KCNQ5: variants seen among roughly 807,000 people sequenced by gnomAD.
The protein encoded by KCNQ5 is potassium voltage-gated channel subfamily Q member 5.
Under a neutral mutation model 98.2 loss-of-function variants are expected in KCNQ5, and 30 were observed. That is an observed-to-expected ratio of 0.31 (90% confidence interval 0.23 to 0.41). The LOEUF (loss-of-function observed/expected upper bound fraction) is 0.41. KCNQ5 is among the 10% of genes least tolerant of loss of function. The pLI, the probability that KCNQ5 is intolerant of heterozygous loss-of-function variation, is 1.00. For synonymous variants in KCNQ5, 458 were observed against 449.4 expected, an observed-to-expected ratio of 1.02 and a Z score of -0.24; for missense variants, 835 against 1,182.5, an observed-to-expected ratio of 0.71 and a Z score of 4.31.
intron 2 of KCNQ5, among the ~76,000 whole-genome samples, chr6:73,040,825 C>CA (rs531439221): frequency 7.4e-4 from 112 of 152,238 alleles, no homozygotes; most frequent in African/African-American, 2.5e-3. Flanking sequence ...AAATTTGCAA[C>CA]AAAAATGCCA....
intron 1 of KCNQ5, among the ~76,000 whole-genome samples, chr6:72,704,186 A>G (rs1411859288): frequency 6.6e-6 from 1 of 152,088 alleles, no homozygotes; most frequent in Non-Finnish European, 1.5e-5. Flanking sequence ...GTCATTTCCT[A>G]TTTTCCTCTC....
At chr6:72,967,219 G>C (rs1210374121) in intron 1 of KCNQ5, among the ~76,000 whole-genome samples, 2 of 152,092 alleles carry the variant, frequency 1.3e-5, no homozygotes, top group Non-Finnish European at 2.9e-5. Flanking sequence ...CTTTAGGATA[G>C]AAACACATTT....
intron 10 of KCNQ5, among the ~76,000 whole-genome samples, chr6:73,147,008 G>A (rs1351825355): frequency 6.6e-6 from 1 of 152,136 alleles, no homozygotes; most frequent in Non-Finnish European, 1.5e-5. Flanking sequence ...ATGTTCTCAA[G>A]GAAATTCTTA....
intron 11 of KCNQ5, among the ~76,000 whole-genome samples, chr6:73,179,609 T>TA (rs1318579856): frequency 6.6e-6 from 1 of 151,878 alleles, no homozygotes; most frequent in Non-Finnish European, 1.5e-5. Context: ...ATAACCAACA[T>TA]AAAGTGAGGG....
chr6:72,981,097 C>CA (rs1562108429), intron 1 of KCNQ5, among the ~76,000 whole-genome samples: 3 of 151,982 alleles, frequency 2.0e-5, no homozygotes, highest in African/African-American at 7.2e-5. Flanking sequence ...CGATATTCCT[C>CA]GGGATATTGG....
At chr6:73,019,879 AG>A (rs1280411221) in intron 2 of KCNQ5, among the ~76,000 whole-genome samples, 1 of 152,182 alleles carries the variant, frequency 6.6e-6, no homozygotes, top group Non-Finnish European at 1.5e-5. Flanking sequence ...ACATTTTCTC[AG>A]TGCATAGCAC....
At chr6:72,735,025 A>G (rs1001009416) in intron 1 of KCNQ5, among the ~76,000 whole-genome samples, 1 of 152,236 alleles carries the variant, frequency 6.6e-6, no homozygotes, top group African/African-American at 2.4e-5. Context: ...TTGGCACAAG[A>G]GGAAGGCCAT....
chr6:72,706,570 A>G (rs1769095037), intron 1 of KCNQ5, among the ~76,000 whole-genome samples: 2 of 152,078 alleles, frequency 1.3e-5, no homozygotes, highest in Admixed American at 1.3e-4. Flanking sequence ...CCATGCCCAA[A>G]TCACTTCTCG....
At chr6:72,752,091 C>T (rs1295580043) in intron 1 of KCNQ5, among the ~76,000 whole-genome samples, 3 of 151,992 alleles carry the variant, frequency 2.0e-5, no homozygotes, top group African/African-American at 4.8e-5. Flanking sequence ...CCCAGCAATC[C>T]CCCAGTGAAA....
At chr6:72,660,534 G>A (rs910812143) in intron 1 of KCNQ5, among the ~76,000 whole-genome samples, 2 of 152,152 alleles carry the variant, frequency 1.3e-5, no homozygotes, top group South Asian at 4.1e-4. Flanking sequence ...TGTTTCTTAA[G>A]AAGTAGTTAG....
At chr6:72,848,769 G>A (rs1777119183) in intron 1 of KCNQ5, among the ~76,000 whole-genome samples, 1 of 152,134 alleles carries the variant, frequency 6.6e-6, no homozygotes, top group African/African-American at 2.4e-5. Context: ...GATAGTGAGT[G>A]AGTTCTCACG....
chr6:72,970,251 C>A (rs1398781417), intron 1 of KCNQ5, among the ~76,000 whole-genome samples: 2 of 151,926 alleles, frequency 1.3e-5, no homozygotes, highest in Non-Finnish European at 2.9e-5. Context: ...AGAGCAAGAC[C>A]CCATCTCTAA....
chr6:73,102,343 A>G (rs1465964561), intron 5 of KCNQ5, among the ~76,000 whole-genome samples: 1 of 152,184 alleles, frequency 6.6e-6, no homozygotes, highest in Non-Finnish European at 1.5e-5. Context: ...GGATTTCGTG[A>G]GTAATATCCC....
At chr6:72,983,217 T>C (rs992633013) in intron 1 of KCNQ5, among the ~76,000 whole-genome samples, 11 of 152,224 alleles carry the variant, frequency 7.2e-5, no homozygotes, top group Non-Finnish European at 1.5e-4. Flanking sequence ...AATGTTGGCC[T>C]GCCTTGCTAG....
chr6:72,793,395 T>C (rs978076264), intron 1 of KCNQ5, among the ~76,000 whole-genome samples: 2 of 152,210 alleles, frequency 1.3e-5, no homozygotes, highest in African/African-American at 4.8e-5. Context: ...CATATTATTA[T>C]ACATTTGCAG....
chr6:72,808,941 CG>C (rs1444515135), intron 1 of KCNQ5, among the ~76,000 whole-genome samples: 2 of 151,446 alleles, frequency 1.3e-5, no homozygotes, highest in African/African-American at 4.9e-5. Flanking sequence ...CACATGCACA[CG>C]TATGTTTATT....
chr6:72,804,414 G>A (rs1048681204), intron 1 of KCNQ5, among the ~76,000 whole-genome samples: 1 of 151,622 alleles, frequency 6.6e-6, no homozygotes, highest in African/African-American at 2.4e-5. Context: ...AAATAAGTGA[G>A]AACCTGTGAT....
intron 8 of KCNQ5, among the ~76,000 whole-genome samples, chr6:73,121,841 G>A (rs1021139732): frequency 6.6e-6 from 1 of 152,170 alleles, no homozygotes; most frequent in African/African-American, 2.4e-5. Context: ...CCCACAAAGA[G>A]AAGGACAAGA....
intron 1 of KCNQ5, among the ~76,000 whole-genome samples, chr6:72,736,762 G>A (rs1040100054): frequency 6.6e-6 from 1 of 151,714 alleles, no homozygotes; most frequent in Non-Finnish European, 1.5e-5. Context: ...GCCTCCCAAA[G>A]TGCTGGGATT....
Sources: allele counts gnomAD v4.1 joint callset (sites outside exome capture counted in the v4.1 genomes callset), GRCh38; gene constraint gnomAD v4.1.1; transcripts MANE v1.5; gene names NCBI Gene and HGNC (gene_info 2026-07-23, HGNC 2026-07-21).